The following CFAP263 variants were observed in gnomAD, a reference collection of about 807,000 sequenced individuals.
The protein encoded by CFAP263 is cilia- and flagella-associated protein 263.
At chr16:58,273,258 T>C in the CFAP263 span, among the ~76,000 whole-genome samples, 1 of 152,336 alleles carries the variant, frequency 6.6e-6, no homozygotes, top group East Asian at 1.9e-4. Context: ...CCATTATATC[T>C]GAATAATTTT....
chr16:58,280,469 C>A, the CFAP263 span: 4 of 1,614,160 alleles, frequency 2.5e-6, no homozygotes, highest in Non-Finnish European at 3.4e-6. Flanking sequence ...CTTCTTTGTC[C>A]CTGCAAGTAT....
At chr16:58,252,625 C>A in the CFAP263 span, 3 of 983,794 alleles carry the variant, frequency 3.0e-6, no homozygotes, top group Non-Finnish European at 4.6e-6. Flanking sequence ...ACTAAGGCAC[C>A]AAGGGGCTAA....
chr16:58,251,862 C>T, the CFAP263 span, among the ~76,000 whole-genome samples: 10 of 152,232 alleles, frequency 6.6e-5, no homozygotes, highest in South Asian at 1.7e-3. Context: ...CACATACACA[C>T]GTATGAGAAG....
the CFAP263 span, among the ~76,000 whole-genome samples, chr16:58,270,632 A>G: frequency 1.3e-5 from 2 of 151,800 alleles, no homozygotes; most frequent in Non-Finnish European, 2.9e-5. Context: ...CAGTTTATCC[A>G]TTTTTTTTCT....
chr16:58,250,077 G>A, the CFAP263 span: 7 of 1,596,464 alleles, frequency 4.4e-6, no homozygotes, highest in Admixed American at 1.0e-4. Context: ...AGCTGGAGCT[G>A]CCTGTTATCC....
the CFAP263 span, chr16:58,258,448 C>A: frequency 5.6e-6 from 9 of 1,613,700 alleles, no homozygotes; most frequent in Non-Finnish European, 7.6e-6. Context: ...TTCTAAAAGC[C>A]ATATCCAAGA....
chr16:58,262,772 T>C, the CFAP263 span, among the ~76,000 whole-genome samples: 1 of 137,198 alleles, frequency 7.3e-6, no homozygotes, highest in Non-Finnish European at 1.5e-5. Context: ...GGTAGATAGA[T>C]AGATAGATAG....
chr16:58,280,562 A>G, the CFAP263 span: 55 of 1,614,056 alleles, frequency 3.4e-5, no homozygotes, highest in Middle Eastern at 4.9e-4. Context: ...AAAGAAATCA[A>G]CTTTTCCCAG....
At chr16:58,252,353 AAT>A in the CFAP263 span, among the ~76,000 whole-genome samples, 4 of 151,422 alleles carry the variant, frequency 2.6e-5, no homozygotes, top group African/African-American at 9.7e-5. Context: ...AAACAAATAA[AAT>A]ATATATATGT....
chr16:58,263,535 C>T, the CFAP263 span, among the ~76,000 whole-genome samples: 3 of 152,208 alleles, frequency 2.0e-5, no homozygotes, highest in African/African-American at 4.8e-5. Flanking sequence ...GCATAGTGCT[C>T]AGGTGGCAAT....
At chr16:58,254,030 A>T in the CFAP263 span, 5 of 1,614,188 alleles carry the variant, frequency 3.1e-6, no homozygotes, top group Non-Finnish European at 4.2e-6. Context: ...AATCCCGGAC[A>T]GGTATGGACC....
the CFAP263 span, among the ~76,000 whole-genome samples, chr16:58,268,309 A>G: frequency 2.0e-5 from 3 of 152,240 alleles, no homozygotes; most frequent in Non-Finnish European, 4.4e-5. Flanking sequence ...TTAAATGCAC[A>G]TAGGATATGA....
the CFAP263 span, chr16:58,278,712 G>C: frequency 4.3e-6 from 6 of 1,410,364 alleles, no homozygotes; most frequent in Non-Finnish European, 6.0e-6. Context: ...TGTTCTTTGG[G>C]GTAAGAATAC....
chr16:58,260,014 C>A, the CFAP263 span: 2 of 809,546 alleles, frequency 2.5e-6, no homozygotes, highest in Non-Finnish European at 4.1e-6. Context: ...CACCCCCACC[C>A]CAAAATATCC....
chr16:58,269,384 AGGAAGGAAAGAG>A, the CFAP263 span, among the ~76,000 whole-genome samples: 3 of 149,468 alleles, frequency 2.0e-5, no homozygotes, highest in Admixed American at 1.3e-4. Context: ...ATAAGAAGAA[AGGAAGGAAAGAG>A]GAAAGAAAGG....
chr16:58,252,127 G>A, the CFAP263 span, among the ~76,000 whole-genome samples: 1 of 152,136 alleles, frequency 6.6e-6, no homozygotes, highest in South Asian at 2.1e-4. Context: ...TCAGCACTTT[G>A]GGAAACCAAG....
chr16:58,250,706 A>G, the CFAP263 span, among the ~76,000 whole-genome samples: 1 of 150,076 alleles, frequency 6.7e-6, no homozygotes, highest in Non-Finnish European at 1.5e-5. Context: ...CGGAGGTTGC[A>G]GTGAGCCGAG....
At chr16:58,256,504 T>C in the CFAP263 span, among the ~76,000 whole-genome samples, 2 of 152,108 alleles carry the variant, frequency 1.3e-5, no homozygotes, top group Non-Finnish European at 2.9e-5. Context: ...AGCATGACAT[T>C]GAGGAGGCCG....
the CFAP263 span, among the ~76,000 whole-genome samples, chr16:58,255,229 C>T: frequency 6.6e-6 from 1 of 152,182 alleles, no homozygotes; most frequent in African/African-American, 2.4e-5. Flanking sequence ...AGGCAAAGAA[C>T]CTGGAGTCTG....
Sources: gnomAD v4.1 joint callset for allele counts (sites outside exome capture counted in the v4.1 genomes callset) on GRCh38, gnomAD v4.1.1 for gene constraint, MANE v1.5 for transcripts, NCBI Gene and HGNC (gene_info 2026-07-23, HGNC 2026-07-21) for gene names.